NUP85: variants seen among roughly 807,000 people sequenced by gnomAD.
The protein encoded by NUP85 is nucleoporin 85.
NUP85 carries 23 observed loss-of-function variants against 92.8 expected under a neutral mutation model. The ratio of observed to expected loss-of-function variants is 0.25; its 90% confidence interval spans 0.18 to 0.35. The LOEUF is 0.35. Ranked by LOEUF, NUP85 falls within the 10% of genes least tolerant of loss-of-function variation. The probability of loss-of-function intolerance (pLI) is 1.00; values close to 1 mark genes in which losing one functional copy is unlikely to be tolerated. For missense variants in NUP85, 759 were observed against 822.8 expected (o/e 0.92, Z 0.95); for synonymous variants, 314 against 306.9 (o/e 1.02, Z -0.24).
In NUP85 at chr17:75,233,382, TCTTTCTTTC is replaced by T. The variant is rs1568095909; in HGVS notation, c.1615+225_1615+233del. Among the ~76,000 whole-genome samples, 35 of 59,584 alleles carry T rather than the reference TCTTTCTTTC, an allele frequency of 5.9e-4. 2 individuals carry two copies. The South Asian group carries it at 0.013, about 22-fold the overall frequency. 39.1% of individuals were successfully genotyped at this position (59,584 alleles called of 152,430 possible). A position where few individuals can be genotyped will look rare whatever the true frequency, so the allele number is the denominator to read the frequency against. Reference sequence around the variant, plus strand: ...GTTTGTTTGTTTTTCTTTCTTTCTCTCTTTCTTTCTCTTTCTCTTTCTCTTTCTTTCTTT... The same window carrying T: ...GTTTGTTTGTTTTTCTTTCTTTCTCTTCTTTCTCTTTCTCTTTCTTTCTTT... On this transcript the variant is annotated intron_variant, in intron 16 of 18. Coordinates refer to ENST00000245544, the MANE Select transcript of NUP85 (RefSeq NM_024844.5).
At chr17:75,222,049 GTTT>G (rs1455104766) in intron 7 of NUP85, among the ~76,000 whole-genome samples, 1 of 151,602 alleles carries the variant, frequency 6.6e-6, no homozygotes, top group Non-Finnish European at 1.5e-5. Flanking sequence ...TGTTTTGTTT[GTTT>G]GTTTGTTTGT....
At chr17:75,230,124 G>A (rs1973187) in intron 11 of NUP85, among the ~76,000 whole-genome samples, 136,573 of 150,808 alleles carry the variant, frequency 0.91, 63,069 homozygotes, top group Non-Finnish European at 1. Context: ...GCTCACTGCA[G>A]CCTCTGCCTC....
chr17:75,207,763 C>T (rs923632384), intron 1 of NUP85, among the ~76,000 whole-genome samples: 2 of 151,924 alleles, frequency 1.3e-5, no homozygotes, highest in Non-Finnish European at 2.9e-5. Context: ...CAGGCATGAG[C>T]CACCGCGCTT....
In NUP85 at chr17:75,209,894, A is replaced by G. The variant is rs948018747; in HGVS notation, c.199A>G (p.Ile67Val). 6.3e-7 allele frequency: 1 copy of G among 1,586,752 alleles called. No individual in the cohort carries two copies. The highest frequency in any genetic ancestry group is 1.4e-5 in the African/African-American group (1 of 72,684). Residue 67 changes from isoleucine (I) to valine (V), a missense_variant, in exon 3 of 19, where the codon ATC becomes GTC. Transcript: ENST00000245544. Reference protein sequence around the residue: ...IRKDVDVYSQILRKLFNESHG... With the variant: ...IRKDVDVYSQVLRKLFNESHG... ...TAAGGATGTAGATGTTTACTCTCAA[A>G]TCTTGAGAAAACTCTTCAATGAATC...
intron 7 of NUP85, among the ~76,000 whole-genome samples, chr17:75,222,557 G>GA (rs1247544645): frequency 6.9e-6 from 1 of 145,304 alleles, no homozygotes; most frequent in Non-Finnish European, 1.5e-5. Context: ...GCCCAGGCTG[G>GA]AGTGCAGTGC....
chr17:75,234,074 C>T (rs1260361806), intron 16 of NUP85, among the ~76,000 whole-genome samples: 6 of 131,386 alleles, frequency 4.6e-5, no homozygotes, highest in African/African-American at 1.1e-4. Flanking sequence ...TTTTTTGAGA[C>T]GGAGTCTCAC....
At chr17:75,214,899 C>T (rs552895259) in intron 5 of NUP85, among the ~76,000 whole-genome samples, 5 of 151,372 alleles carry the variant, frequency 3.3e-5, no homozygotes, top group East Asian at 2.0e-4. Context: ...TGGCAGGGCA[C>T]GGTGGCTCAA....
chr17:75,207,038 T>C (rs1270140014), intron 1 of NUP85, among the ~76,000 whole-genome samples: 1 of 151,972 alleles, frequency 6.6e-6, no homozygotes, highest in African/African-American at 2.4e-5. Context: ...GAAGATAAGC[T>C]GGTAGTTGAC....
intron 11 of NUP85, among the ~76,000 whole-genome samples, chr17:75,227,473 T>A (rs910451695): frequency 6.6e-6 from 1 of 151,218 alleles, no homozygotes; most frequent in African/African-American, 2.4e-5. Flanking sequence ...GTAGCTGGGA[T>A]TACAGGTGTC....
chr17:75,210,158 A>G (rs562232666), intron 3 of NUP85, among the ~76,000 whole-genome samples, 173 bp downstream of exon 3: 3 of 152,308 alleles, frequency 2.0e-5, no homozygotes, highest in African/African-American at 4.8e-5. Flanking sequence ...GGGAAGACTT[A>G]GCGGGAATAT....
intron 2 of NUP85, among the ~76,000 whole-genome samples, chr17:75,208,893 G>T (rs973598711): frequency 6.6e-6 from 1 of 151,968 alleles, no homozygotes; most frequent in African/African-American, 2.4e-5. Context: ...AGGTCACCAT[G>T]CCACCACGCC....
At chr17:75,215,256 A>T (rs574487131) in intron 5 of NUP85, among the ~76,000 whole-genome samples, 15 of 152,314 alleles carry the variant, frequency 9.8e-5, no homozygotes, top group African/African-American at 3.6e-4. Flanking sequence ...GCTCTTGCCC[A>T]GGCTGGAATA....
At chr17:75,217,215 A>G (rs1332390508) in intron 6 of NUP85, among the ~76,000 whole-genome samples, 1 of 151,816 alleles carries the variant, frequency 6.6e-6, no homozygotes, top group Non-Finnish European at 1.5e-5. Flanking sequence ...CTGCACCACC[A>G]CGCCCGGCTA....
At chr17:75,210,041 G>T (rs1029317562) in intron 3 of NUP85, 56 bp downstream of exon 3, 8 of 1,520,470 alleles carry the variant, frequency 5.3e-6, no homozygotes, top group Middle Eastern at 1.7e-4. Context: ...AAAGCCAAAT[G>T]AAGTACATTG....
chr17:75,209,924 G>A lies in NUP85; in HGVS notation c.229G>A (p.Gly77Arg). Residue 77 changes from glycine to arginine, a missense_variant, in exon 3 of 19, where the codon GGA becomes AGA. Coordinates refer to ENST00000245544, the MANE Select transcript of NUP85 (RefSeq NM_024844.5). ...ILRKLFNESH[G>R]IFLGLQRIDE... ...GAGAAAACTCTTCAATGAATCCCAT[G>A]GAATCTTTCTGGGCCTCCAGAGAAT... 3 of 1,585,392 alleles carry A rather than the reference G, an allele frequency of 1.9e-6. No individual in the cohort carries two copies. Among genetic ancestry groups the A allele is most frequent in the Non-Finnish European group, 2.6e-6 (3 of 1,172,808 alleles).
rs2075756173 is a variant in NUP85, at chr17:75,225,499, C to A, written c.855+35C>A. Reference sequence around the variant, plus strand: ...GCAGTTCAGATTGCATCCATGTTGGCTTCCTATGGGGGCTGTGGCATCCAG... The same window carrying A: ...GCAGTTCAGATTGCATCCATGTTGGATTCCTATGGGGGCTGTGGCATCCAG... On this transcript the variant is annotated intron_variant, in intron 9 of 18. Transcript: ENST00000245544. The A allele has an allele frequency of 1.9e-6, 3 of 1,607,360 alleles. No homozygotes were observed. In the South Asian group the frequency reaches 3.3e-5, roughly 18 times the overall value.
intron 14 of NUP85, 39 bp downstream of exon 14, chr17:75,232,018 G>C (rs2076080853): frequency 3.1e-6 from 5 of 1,608,906 alleles, no homozygotes; most frequent in Non-Finnish European, 4.2e-6. Flanking sequence ...TCTGTGGGAC[G>C]CAGGAGTCAG....
chr17:75,230,936 A>ATTTT (rs35461721), intron 11 of NUP85, among the ~76,000 whole-genome samples: 103,639 of 143,490 alleles, frequency 0.72, 38,059 homozygotes, highest in East Asian at 0.86. Flanking sequence ...TTTCTGAGCG[A>ATTTT]TTTTTTTTTT....
At chr17:75,206,504 A>T (rs745662954) in intron 1 of NUP85, among the ~76,000 whole-genome samples, 1 of 151,980 alleles carries the variant, frequency 6.6e-6, no homozygotes, top group East Asian at 1.9e-4. Context: ...TGGTTTTGGG[A>T]ACATCACTAG....
Sources: gnomAD v4.1 joint callset for allele counts (sites outside exome capture counted in the v4.1 genomes callset) on GRCh38, gnomAD v4.1.1 for gene constraint, MANE v1.5 for transcripts, NCBI Gene and HGNC (gene_info 2026-07-23, HGNC 2026-07-21) for gene names.